ACVR2A: variants seen among roughly 807,000 people sequenced by gnomAD.
ACVR2A encodes activin A receptor type 2A.
In ACVR2A, 7 loss-of-function variants were observed where a neutral mutation model predicts 61.4. The ratio of observed to expected loss-of-function variants is 0.11; its 90% CI spans 0.06 to 0.21. The LOEUF is 0.21. ACVR2A is among the 10% of genes least tolerant of loss of function. The pLI, the probability that ACVR2A is intolerant of heterozygous loss-of-function variation, is 1.00. For missense variants in ACVR2A, 322 were observed against 621.7 expected, an observed-to-expected ratio of 0.52 and a Z score of 5.13; for synonymous variants, 193 against 208.3, an observed-to-expected ratio of 0.93 and a Z score of 0.63.
intron 1 of ACVR2A, among the ~76,000 whole-genome samples, chr2:147,873,347 T>C (rs746626802): frequency 2.0e-5 from 3 of 152,022 alleles, no homozygotes; most frequent in Non-Finnish European, 4.4e-5. Context: ...CAACAGTATA[T>C]TCAGAATATC....
At chr2:147,907,379 T>C (rs1278240575) in intron 4 of ACVR2A, among the ~76,000 whole-genome samples, 1 of 152,186 alleles carries the variant, frequency 6.6e-6, no homozygotes, top group Non-Finnish European at 1.5e-5. Context: ...CTGGGTCAAA[T>C]GGTATTTCTG....
intron 1 of ACVR2A, among the ~76,000 whole-genome samples, chr2:147,891,628 AT>A (rs1686584697): frequency 6.6e-6 from 1 of 152,172 alleles, no homozygotes; most frequent in Non-Finnish European, 1.5e-5. Flanking sequence ...ATGAAATCCA[AT>A]TTTCAGTGTC....
chr2:147,866,683 A>G (rs1273879939), intron 1 of ACVR2A, among the ~76,000 whole-genome samples: 1 of 152,206 alleles, frequency 6.6e-6, no homozygotes, highest in Non-Finnish European at 1.5e-5. Context: ...TGTTAACTTC[A>G]TGCCAAGGAC....
At chr2:147,888,527 C>G (rs1573680862) in intron 1 of ACVR2A, among the ~76,000 whole-genome samples, 1 of 152,026 alleles carries the variant, frequency 6.6e-6, no homozygotes, top group East Asian at 1.9e-4. Context: ...TTTTATTTTT[C>G]TTCAGAGCAA....
intron 5 of ACVR2A, among the ~76,000 whole-genome samples, chr2:147,916,689 G>T (rs1687256337): frequency 6.6e-6 from 1 of 151,876 alleles, no homozygotes; most frequent in South Asian, 2.1e-4. Context: ...GTAGTGAAAA[G>T]AAGCTAATCT....
At chr2:147,862,991 A>G (rs1008526002) in intron 1 of ACVR2A, among the ~76,000 whole-genome samples, 9 of 152,142 alleles carry the variant, frequency 5.9e-5, no homozygotes, top group African/African-American at 2.2e-4. Context: ...TTTCATGATA[A>G]TGTGCCTGAC....
intron 1 of ACVR2A, among the ~76,000 whole-genome samples, chr2:147,860,930 A>G (rs575212863): frequency 1.1e-4 from 17 of 152,312 alleles, no homozygotes; most frequent in African/African-American, 4.1e-4. Flanking sequence ...TCAGGCTCCC[A>G]GCTGACCCTA....
In ACVR2A at chr2:147,899,726, TC is replaced by T. The variant is rs756662889; in HGVS notation, c.374-11del. 9.9e-6 allele frequency: 16 copies of T among 1,610,212 alleles called. No homozygotes were observed. The highest frequency in any genetic ancestry group is 5.4e-5 in the African/African-American group (4 of 74,716). ...TTGTAGACCAAATCTGAGTTATTTT[TC>T]CCCCCCTTTTCCACAGCCACTTCAA... On this transcript the variant is annotated splice_polypyrimidine_tract_variant and intron_variant, in intron 3 of 10. Coordinates refer to ENST00000241416, the MANE Select transcript of ACVR2A (RefSeq NM_001616.5).
At chr2:147,845,277 C>T (rs1201713258) in intron 1 of ACVR2A, 70 bp downstream of exon 1, 28 of 1,446,810 alleles carry the variant, frequency 1.9e-5, no homozygotes, top group Non-Finnish European at 2.5e-5. Context: ...GGGGCCGCGG[C>T]TGGTGTTGAG....
intron 1 of ACVR2A, among the ~76,000 whole-genome samples, chr2:147,877,925 T>G (rs1047216514): frequency 3.3e-5 from 5 of 152,234 alleles, no homozygotes; most frequent in African/African-American, 1.2e-4. Context: ...AACTTTACAT[T>G]TATCATGCTG....
chr2:147,887,418 A>T (rs546312307), intron 1 of ACVR2A, among the ~76,000 whole-genome samples: 98 of 152,266 alleles, frequency 6.4e-4, no homozygotes, highest in African/African-American at 2.2e-3. Context: ...GATATTAGGG[A>T]TTCAGTCATG....
rs550341508 is a variant in ACVR2A, at chr2:147,867,153, A to C, written c.55+21946A>C. ...TTAGGAGATTATTTGTAACTTTACC[A>C]AGAGACATTTTGGTAAAGTGGTGGA... On this transcript the variant is annotated intron_variant, in intron 1 of 10. Coordinates refer to ENST00000241416, the MANE Select transcript of ACVR2A (RefSeq NM_001616.5). 4.6e-5 allele frequency among the ~76,000 whole-genome samples: 7 copies of C among 152,336 alleles called. No homozygotes were observed. The South Asian group carries it at 1.2e-3, about 27-fold the overall frequency.
At chr2:147,846,658 G>T (rs1320852939) in intron 1 of ACVR2A, among the ~76,000 whole-genome samples, 2 of 152,154 alleles carry the variant, frequency 1.3e-5, no homozygotes, top group Non-Finnish European at 2.9e-5. Context: ...TTCTTTTTGT[G>T]CACGGTTTGG....
chr2:147,928,646 C>T lies in ACVR2A; in HGVS notation c.*1372C>T, dbSNP rs1687566450. ...TAGGTAGCATAGCCTAGCCTCCTCC[C>T]CAAAATTGCTTTTACAACTAACACT... On this transcript the variant is annotated 3_prime_UTR_variant, in exon 11 of 11. Coordinates refer to ENST00000241416, the MANE Select transcript of ACVR2A (RefSeq NM_001616.5). 2.0e-5 allele frequency: 3 copies of T among 152,154 alleles called. No homozygotes were observed. In the Admixed American group the frequency reaches 2.0e-4, roughly 10 times the overall value. The allele number at this position is 152,154 out of a possible 1,614,324, so 9.4% of individuals were successfully genotyped here.
Position 147,927,895 on chromosome 2 carries a change from T to C in ACVR2A, c.*621T>C, listed in dbSNP as rs1187541032. ...GTTCCACGGTTGCTAAATTATAAAATTGAAAACACTAACAAAATTTGAATA... is the reference window on the plus strand; with the variant it reads ...GTTCCACGGTTGCTAAATTATAAAACTGAAAACACTAACAAAATTTGAATA... On this transcript the variant is annotated 3_prime_UTR_variant, in exon 11 of 11. Transcript: ENST00000241416. The C allele has an allele frequency of 1.3e-5, 2 of 152,294 alleles. No homozygotes were observed. Among genetic ancestry groups the C allele is most frequent in the South Asian group, 2.1e-4 (1 of 4,824 alleles). The allele number at this position is 152,294 out of a possible 1,614,324, so 9.4% of individuals were successfully genotyped here. A position where few individuals can be genotyped will look rare whatever the true frequency, so the allele number is the denominator to read the frequency against.
chr2:147,923,711 T>G (rs1355595389), intron 9 of ACVR2A, among the ~76,000 whole-genome samples: 2 of 152,142 alleles, frequency 1.3e-5, no homozygotes, highest in African/African-American at 4.8e-5. Context: ...GTCTTTACTC[T>G]GTCTTCAAGT....
intron 4 of ACVR2A, among the ~76,000 whole-genome samples, chr2:147,910,047 A>AG (rs1324253683): frequency 1.3e-5 from 2 of 152,158 alleles, no homozygotes. Context: ...TTTATTGAGA[A>AG]GTGTATTAAG....
At chr2:147,857,828 T>TA (rs141972793) in intron 1 of ACVR2A, among the ~76,000 whole-genome samples, 12 of 150,954 alleles carry the variant, frequency 7.9e-5, no homozygotes, top group African/African-American at 2.2e-4. Context: ...ACATGCGACT[T>TA]AAAAAAAAAA....
At chr2:147,915,814 G>A (rs545398668) in intron 5 of ACVR2A, among the ~76,000 whole-genome samples, 12 of 151,956 alleles carry the variant, frequency 7.9e-5, no homozygotes, top group East Asian at 3.9e-4. Context: ...AGAGGCAATC[G>A]AGACTTCAAA....
Sources: allele counts gnomAD v4.1 joint callset (sites outside exome capture counted in the v4.1 genomes callset), GRCh38; gene constraint gnomAD v4.1.1; transcripts MANE v1.5; gene names NCBI Gene and HGNC (gene_info 2026-07-23, HGNC 2026-07-21).